The following PPM1E variants were observed in gnomAD, a reference collection of about 807,000 sequenced individuals.
PPM1E encodes protein phosphatase, Mg2+/Mn2+ dependent 1E.
A neutral mutation model predicts 65.9 loss-of-function variants in PPM1E; 20 were observed. That is an observed-to-expected ratio of 0.30 (90% CI 0.21 to 0.44). PPM1E has a LOEUF of 0.44. Ranked by LOEUF, PPM1E falls within the 20% of genes least tolerant of loss-of-function variation. The probability of loss-of-function intolerance (pLI) is 1.00; values close to 1 mark genes in which losing one functional copy is unlikely to be tolerated. For missense variants in PPM1E, 713 were observed against 953.1 expected, an observed-to-expected ratio of 0.75 and a Z score of 3.32; for synonymous variants, 352 against 374.9, an observed-to-expected ratio of 0.94 and a Z score of 0.70.
chr17:58,828,670 G>C (rs2050567427), intron 1 of PPM1E, among the ~76,000 whole-genome samples: 1 of 152,060 alleles, frequency 6.6e-6, no homozygotes, highest in Non-Finnish European at 1.5e-5. Context: ...CTCCATGTTG[G>C]TCAGGCTGGT....
At chr17:58,820,704 T>C (rs573858038) in intron 1 of PPM1E, among the ~76,000 whole-genome samples, 4 of 152,336 alleles carry the variant, frequency 2.6e-5, no homozygotes, top group African/African-American at 9.6e-5. Context: ...AGGGTCCAAA[T>C]GGTGCTAGAA....
At chr17:58,883,944 A>T (rs1056112734) in intron 1 of PPM1E, among the ~76,000 whole-genome samples, 4 of 152,220 alleles carry the variant, frequency 2.6e-5, no homozygotes, top group African/African-American at 9.6e-5. Flanking sequence ...TACCAAAAAA[A>T]AATAAAAATA....
At chr17:58,942,819 TATA>T (rs942421146) in intron 1 of PPM1E, among the ~76,000 whole-genome samples, 4 of 127,318 alleles carry the variant, frequency 3.1e-5, no homozygotes, top group African/African-American at 1.3e-4. Context: ...AAACTTAAAG[TATA>T]ATAATAAAAA....
intron 2 of PPM1E, among the ~76,000 whole-genome samples, 180 bp from the exon 3 acceptor site, chr17:58,965,514 A>G (rs934041584): frequency 2.0e-5 from 3 of 152,114 alleles, no homozygotes; most frequent in Admixed American, 6.5e-5. Context: ...ATGATTTTCC[A>G]CTAGATAGGT....
chr17:58,775,920 C>CAAAAAAAAAA (rs1158158641), intron 1 of PPM1E, among the ~76,000 whole-genome samples: 1 of 52,494 alleles, frequency 1.9e-5, no homozygotes, highest in Non-Finnish European at 2.9e-5. Flanking sequence ...GACTCCGTCT[C>CAAAAAAAAAA]AAAAAAAAAA....
At chr17:58,865,665 C>A (rs1449523489) in intron 1 of PPM1E, among the ~76,000 whole-genome samples, 2 of 152,208 alleles carry the variant, frequency 1.3e-5, no homozygotes, top group African/African-American at 4.8e-5. Context: ...GCAGCCACTG[C>A]TCTCCAGACT....
chr17:58,951,168 T>G (rs2052233391), intron 1 of PPM1E: 1 of 152,248 alleles, frequency 6.6e-6, no homozygotes, highest in Non-Finnish European at 1.5e-5. Flanking sequence ...TGCGTTTCCT[T>G]AACATGATTA....
At chr17:58,930,065 G>A (rs1393434411) in intron 1 of PPM1E, among the ~76,000 whole-genome samples, 1 of 151,776 alleles carries the variant, frequency 6.6e-6, no homozygotes, top group South Asian at 2.1e-4. Context: ...GCCTGATCTC[G>A]CCTGAAAATT....
intron 1 of PPM1E, among the ~76,000 whole-genome samples, chr17:58,902,147 G>A (rs1415203835): frequency 3.3e-5 from 5 of 151,796 alleles, no homozygotes; most frequent in African/African-American, 1.2e-4. Context: ...TGAGGTAAAG[G>A]AGAAAAAATT....
chr17:58,827,135 CTTTT>C (rs34789176), intron 1 of PPM1E, among the ~76,000 whole-genome samples: 11 of 104,246 alleles, frequency 1.1e-4, no homozygotes, highest in Non-Finnish European at 7.6e-5. Context: ...AGTCCATGAT[CTTTT>C]TTTTTTTTTT....
intron 1 of PPM1E, among the ~76,000 whole-genome samples, chr17:58,763,538 G>T (rs1249417712): frequency 6.6e-6 from 1 of 152,028 alleles, no homozygotes; most frequent in East Asian, 1.9e-4. Context: ...TGGGTAGCTT[G>T]GTGGCTCCTG....
intron 5 of PPM1E, 97 bp downstream of exon 5, chr17:58,972,372 A>G (rs1598699811): frequency 2.3e-6 from 3 of 1,278,000 alleles, no homozygotes; most frequent in South Asian, 3.0e-5. Flanking sequence ...TTTTTTTGAG[A>G]TGGAGTTTCA....
intron 1 of PPM1E, among the ~76,000 whole-genome samples, chr17:58,937,235 A>G (rs1469335614): frequency 1.3e-5 from 2 of 149,848 alleles, no homozygotes; most frequent in Non-Finnish European, 3.0e-5. Flanking sequence ...ATATTGTTTT[A>G]TATGACATTT....
intron 2 of PPM1E, among the ~76,000 whole-genome samples, chr17:58,963,210 C>A (rs2143665322): frequency 6.7e-6 from 1 of 149,654 alleles, no homozygotes; most frequent in East Asian, 2.0e-4. Context: ...CATGGTGAAA[C>A]CCCGTCTCTA....
chr17:58,983,030 G>A lies in PPM1E; in HGVS notation c.*1999G>A. Reference sequence around the variant, plus strand: ...TTTAAAATTTCTATTGTTGTCTATTGGTAATGTTTTTGATCAGAATAAAGA... The same window carrying A: ...TTTAAAATTTCTATTGTTGTCTATTAGTAATGTTTTTGATCAGAATAAAGA... On this transcript the variant is annotated 3_prime_UTR_variant, in exon 7 of 7. Transcript: ENST00000308249. 7.7e-6 allele frequency: 8 copies of A among 1,035,590 alleles called. No individual in the cohort carries two copies. The highest frequency in any genetic ancestry group is 9.9e-6 in the Non-Finnish European group (7 of 705,786). The allele number at this position is 1,035,590 out of a possible 1,614,324, so 64.2% of individuals were successfully genotyped here.
intron 1 of PPM1E, among the ~76,000 whole-genome samples, chr17:58,882,832 A>G (rs772427029): frequency 8.5e-5 from 13 of 152,214 alleles, no homozygotes; most frequent in African/African-American, 2.9e-4. Flanking sequence ...TATGTCTGTC[A>G]TCAAAATTCT....
At chr17:58,764,367 A>G (rs1015801500) in intron 1 of PPM1E, among the ~76,000 whole-genome samples, 2 of 152,180 alleles carry the variant, frequency 1.3e-5, no homozygotes, top group Non-Finnish European at 2.9e-5. Flanking sequence ...AGGAAATATA[A>G]CATTTCATAT....
Position 58,761,098 on chromosome 17 carries a change from G to T in PPM1E, c.464+4637G>T, listed in dbSNP as rs192147692. Among the ~76,000 whole-genome samples the T allele has an allele frequency of 2.2e-3, 335 of 152,230 alleles. 1 individual carries two copies. The highest frequency in any genetic ancestry group is 0.017 in the Middle Eastern group (5 of 294). On this transcript the variant is annotated intron_variant, in intron 1 of 6. Transcript: ENST00000308249. Reference sequence around the variant, plus strand: ...GTGTTTTGTTTTTTAAAGAGATGGGGTCTCACTATATTCCCTACGCTGGAT... The same window carrying T: ...GTGTTTTGTTTTTTAAAGAGATGGGTTCTCACTATATTCCCTACGCTGGAT...
intron 1 of PPM1E, among the ~76,000 whole-genome samples, chr17:58,872,104 C>T (rs1389956278): frequency 3.3e-5 from 5 of 152,096 alleles, no homozygotes; most frequent in Admixed American, 6.6e-5. Context: ...TTGAGACCAG[C>T]CTGGCCAACA....
Sources: allele counts gnomAD v4.1 joint callset (sites outside exome capture counted in the v4.1 genomes callset), GRCh38; gene constraint gnomAD v4.1.1; transcripts MANE v1.5; gene names NCBI Gene and HGNC (gene_info 2026-07-23, HGNC 2026-07-21).